ZKSCAN8: variants seen among roughly 807,000 people sequenced by gnomAD.
ZKSCAN8 encodes the protein zinc finger with KRAB and SCAN domains 8.
A neutral mutation model predicts 57.2 loss-of-function variants in ZKSCAN8; 27 were observed. The observed-to-expected ratio is 0.47, with a 90% confidence interval of 0.35 to 0.65. ZKSCAN8 has a LOEUF of 0.65. Ranked by LOEUF, ZKSCAN8 falls within the 30% of genes least tolerant of loss-of-function variation. The pLI, the probability that ZKSCAN8 is intolerant of heterozygous loss-of-function variation, is 0.01. For missense variants in ZKSCAN8, 597 were observed against 696.3 expected (o/e 0.86, Z 1.60); for synonymous variants, 214 against 248.7 (o/e 0.86, Z 1.31).
rs1209328063 is a variant in ZKSCAN8, at chr6:28,153,958, A to G, written c.1678A>G (p.Ser560Gly). The change falls in exon 6 of 6, where the codon AGT (serine) becomes GGT (glycine). Residue 560 changes from serine (S) to glycine (G), a missense_variant. Physicochemically the swap from Ser to Gly is moderately conservative, Grantham distance 56. Transcript: ENST00000330236. ...ECGKAFIQRS[S>G]LIRHQRIHSG... is the part of the protein sequence containing the mutation. Reference sequence around the variant, plus strand: ...TGGGAAAGCCTTTATTCAGAGGTCAAGTCTCATTCGACATCAGAGAATCCA... The same window carrying G: ...TGGGAAAGCCTTTATTCAGAGGTCAGGTCTCATTCGACATCAGAGAATCCA... 3 of 1,612,422 alleles carry G rather than the reference A, an allele frequency of 1.9e-6. No homozygotes were observed. Among genetic ancestry groups the G allele is most frequent in the Non-Finnish European group, 2.5e-6 (3 of 1,179,444 alleles).
chr6:28,150,323 A>G (rs988173197), intron 3 of ZKSCAN8, among the ~76,000 whole-genome samples: 1 of 152,136 alleles, frequency 6.6e-6, no homozygotes, highest in Admixed American at 6.5e-5. Flanking sequence ...TCATGTTTAC[A>G]TTGAGGTCAT....
In ZKSCAN8 at chr6:28,156,410, G is replaced by A; in HGVS notation, c.*2393G>A. On this transcript the variant is annotated 3_prime_UTR_variant, in exon 6 of 6. Coordinates refer to ENST00000330236, the MANE Select transcript of ZKSCAN8 (RefSeq NM_006298.4). The stretch of plus-strand genomic sequence containing the variant: ...CTTAAATCTCAGAATTACTAAGCAT[G>A]TGGCATAAATTTGGAGAAAATAATA... 1 of 392,394 alleles carries A rather than the reference G, an allele frequency of 2.5e-6. No individual in the cohort carries two copies. Among genetic ancestry groups the A allele is most frequent in the Non-Finnish European group, 4.5e-6 (1 of 222,352 alleles). 24.3% of individuals were successfully genotyped at this position (392,394 alleles called of 1,614,324 possible).
At chr6:28,146,485 G>A (rs1039954253) in intron 1 of ZKSCAN8, among the ~76,000 whole-genome samples, 3 of 152,102 alleles carry the variant, frequency 2.0e-5, no homozygotes, top group Admixed American at 6.5e-5. Context: ...AGACTTCAAC[G>A]GAGAGACACA....
chr6:28,149,366 A>C (rs1183575349), intron 2 of ZKSCAN8, 117 bp from the exon 3 acceptor site: 1 of 1,324,960 alleles, frequency 7.5e-7, no homozygotes, highest in African/African-American at 1.5e-5. Context: ...AGTGAGGAAG[A>C]TTCTGCTGCT....
chr6:28,156,081 C>G lies in ZKSCAN8; in HGVS notation c.*2064C>G, dbSNP rs1003299007. ...CCTTACCCTCTGTAAGATACTGATT[C>G]TTCCTGGGGCCAGTATTACCTTGTA... On this transcript the variant is annotated 3_prime_UTR_variant, in exon 6 of 6. Coordinates refer to ENST00000330236, the MANE Select transcript of ZKSCAN8 (RefSeq NM_006298.4). 2.5e-6 allele frequency: 1 copy of G among 398,070 alleles called. No individual in the cohort carries two copies. The highest frequency in any genetic ancestry group is 2.1e-5 in the African/African-American group (1 of 48,594). The allele number at this position is 398,070 out of a possible 1,614,324, so 24.7% of individuals were successfully genotyped here.
intron 5 of ZKSCAN8, 32 bp downstream of exon 5, chr6:28,152,416 T>C: frequency 6.4e-7 from 1 of 1,574,120 alleles, no homozygotes; most frequent in Non-Finnish European, 8.6e-7. Context: ...ATTGTCATTT[T>C]AGATTTTTTG....
chr6:28,148,478 T>G lies in ZKSCAN8; in HGVS notation c.71T>G (p.Ile24Ser). The part of the protein sequence containing the change: ...PDQTPEEDLV[I>S]VKVEEDHGWD... ...CAGACTCCTGAAGAGGATCTTGTAA[T>G]CGTCAAGGTAGAGGAGGATCATGGT... is the stretch of plus-strand genomic sequence containing the variant. The change falls in exon 2 of 6, where the codon ATC becomes AGC. Residue 24 changes from isoleucine to serine, a missense_variant. Physicochemically the swap from Ile to Ser is moderately radical, Grantham distance 142. Coordinates refer to ENST00000330236, the MANE Select transcript of ZKSCAN8 (RefSeq NM_006298.4). The G allele has an allele frequency of 6.2e-7, 1 of 1,614,084 alleles. No individual in the cohort carries two copies. The highest frequency in any genetic ancestry group is 8.5e-7 in the Non-Finnish European group (1 of 1,180,008).
intron 3 of ZKSCAN8, among the ~76,000 whole-genome samples, chr6:28,151,604 AC>A (rs1765592917): frequency 1.3e-5 from 2 of 152,214 alleles, no homozygotes; most frequent in Non-Finnish European, 2.9e-5. Flanking sequence ...CTGTTAGGAA[AC>A]CAGTATACTT....
At position 28,154,162 on chromosome 6, in the gene ZKSCAN8, T is replaced by C; in HGVS notation, c.*145T>C. 8.0e-7 allele frequency: 1 copy of C among 1,257,016 alleles called. No homozygotes were observed. Among genetic ancestry groups the C allele is most frequent in the South Asian group, 1.6e-5 (1 of 60,706 alleles). The allele number at this position is 1,257,016 out of a possible 1,614,324, so 77.9% of individuals were successfully genotyped here. ...AGTGGTGGCAAAGTTAGGATAGCTC[T>C]TTAGTAATTTGGGCCCAGTGCCTTG... On this transcript the variant is annotated 3_prime_UTR_variant, in exon 6 of 6. Coordinates refer to ENST00000330236, the MANE Select transcript of ZKSCAN8 (RefSeq NM_006298.4).
chr6:28,143,946 C>G (rs1029497650), intron 1 of ZKSCAN8, among the ~76,000 whole-genome samples: 19 of 152,254 alleles, frequency 1.2e-4, no homozygotes, highest in Admixed American at 1.1e-3. Context: ...TCAACAAAAT[C>G]TCAGCATCTT....
In ZKSCAN8 at chr6:28,158,913, C is replaced by T. The variant is rs534618307; in HGVS notation, c.*4896C>T. Reference sequence around the variant, plus strand: ...AATTTCATTTTCACTAAGTAACACCCAGTAGATAATTCCTATGGAGCAGTG... The same window carrying T: ...AATTTCATTTTCACTAAGTAACACCTAGTAGATAATTCCTATGGAGCAGTG... On this transcript the variant is annotated 3_prime_UTR_variant, in exon 6 of 6. Coordinates refer to ENST00000330236, the MANE Select transcript of ZKSCAN8 (RefSeq NM_006298.4). 2 of 152,116 alleles carry T rather than the reference C, an allele frequency of 1.3e-5. No individual in the cohort carries two copies. The highest frequency in any genetic ancestry group is 2.4e-5 in the African/African-American group (1 of 41,410). The allele number at this position is 152,116 out of a possible 1,614,324, so 9.4% of individuals were successfully genotyped here. A position where few individuals can be genotyped will look rare whatever the true frequency, so the allele number is the denominator to read the frequency against.
rs1237567786 is a variant in ZKSCAN8, at chr6:28,157,304, G to A, written c.*3287G>A. On this transcript the variant is annotated 3_prime_UTR_variant, in exon 6 of 6. Transcript: ENST00000330236. Reference sequence around the variant, plus strand: ...CCCGTGATTCAATTACCTCCCACTTGGTCCCACCCACGACACGTGGGAATT... The same window carrying A: ...CCCGTGATTCAATTACCTCCCACTTAGTCCCACCCACGACACGTGGGAATT... 6 of 152,126 alleles carry A rather than the reference G, an allele frequency of 3.9e-5. No homozygotes were observed. The highest frequency in any genetic ancestry group is 6.3e-3 in the Middle Eastern group (2 of 316). The allele number at this position is 152,126 out of a possible 1,614,324, so 9.4% of individuals were successfully genotyped here.
At chr6:28,143,473 CA>C (rs1414444415) in intron 1 of ZKSCAN8, among the ~76,000 whole-genome samples, 1 of 152,144 alleles carries the variant, frequency 6.6e-6, no homozygotes, top group African/African-American at 2.4e-5. Flanking sequence ...CTGCGCACTT[CA>C]CATTAAAATA....
In ZKSCAN8 at chr6:28,153,907, G is replaced by C; in HGVS notation, c.1627G>C (p.Glu543Gln). The stretch of plus-strand genomic sequence containing the variant: ...TCAACACCTGAGAATTCACACAGGG[G>C]AGAAGCCCTACCAATGTAATGAGTG... ...LIQHLRIHTG[E>Q]KPYQCNECGK... Residue 543 changes from glutamate to glutamine, a missense_variant, in exon 6 of 6, where the codon GAG becomes CAG. By Grantham distance (29) the Glu-to-Gln change is conservative (BLOSUM62 2). Transcript: ENST00000330236. The C allele has an allele frequency of 6.2e-7, 1 of 1,614,192 alleles. No homozygotes were observed. The highest frequency in any genetic ancestry group is 8.5e-7 in the Non-Finnish European group (1 of 1,180,024).
In ZKSCAN8 at chr6:28,154,279, A is replaced by T; in HGVS notation, c.*262A>T. On this transcript the variant is annotated 3_prime_UTR_variant, in exon 6 of 6. Coordinates refer to ENST00000330236, the MANE Select transcript of ZKSCAN8 (RefSeq NM_006298.4). Reference sequence around the variant, plus strand: ...CTTTAGAAATTTAAAATAGCATTAGAGCAAGTTGCTTGTCATGGCTTGAAG... The same window carrying T: ...CTTTAGAAATTTAAAATAGCATTAGTGCAAGTTGCTTGTCATGGCTTGAAG... The T allele has an allele frequency of 2.7e-6, 1 of 375,394 alleles. No individual in the cohort carries two copies. The highest frequency in any genetic ancestry group is 4.7e-6 in the Non-Finnish European group (1 of 213,552). 23.3% of individuals were successfully genotyped at this position (375,394 alleles called of 1,614,324 possible).
Position 28,152,298 on chromosome 6 carries a change from T to C in ZKSCAN8, c.689T>C (p.Ile230Thr), listed in dbSNP as rs1561821636. 3 of 1,612,940 alleles carry C rather than the reference T, an allele frequency of 1.9e-6. No homozygotes were observed. Among genetic ancestry groups the C allele is most frequent in the Non-Finnish European group, 2.5e-6 (3 of 1,179,676 alleles). ...ATTGAAGACATGGCTGTGTCCCTTATTCGAGAGGAGTGGCTTCTTGATCCA... is the reference window on the plus strand; with the variant it reads ...ATTGAAGACATGGCTGTGTCCCTTACTCGAGAGGAGTGGCTTCTTGATCCA... ...EKIEDMAVSL[I>T]REEWLLDPSQ... Residue 230 changes from isoleucine to threonine, a missense_variant, in exon 5 of 6, where the codon ATT becomes ACT. Physicochemically the swap from Ile to Thr is moderately conservative, Grantham distance 89. Transcript: ENST00000330236.
intron 1 of ZKSCAN8, 105 bp from the exon 2 acceptor site, chr6:28,148,211 G>T: frequency 3.8e-6 from 2 of 527,276 alleles, no homozygotes; most frequent in South Asian, 2.7e-5. Flanking sequence ...CATTTAATTG[G>T]CCGAGCCATG....
In ZKSCAN8 at chr6:28,154,469, A is replaced by T. The variant is rs1399611702; in HGVS notation, c.*452A>T. The T allele has an allele frequency of 6.4e-6, 1 of 156,002 alleles. No homozygotes were observed. The highest frequency in any genetic ancestry group is 2.4e-5 in the African/African-American group (1 of 41,526). 9.7% of individuals were successfully genotyped at this position (156,002 alleles called of 1,614,324 possible). A position where few individuals can be genotyped will look rare whatever the true frequency, so the allele number is the denominator to read the frequency against. On this transcript the variant is annotated 3_prime_UTR_variant, in exon 6 of 6. Transcript: ENST00000330236. ...TCTAAGAAGCTGCTGTAGAGTCAGAAGTAGCTTCTGTGTGAAACTTATATT... is the reference window on the plus strand; with the variant it reads ...TCTAAGAAGCTGCTGTAGAGTCAGATGTAGCTTCTGTGTGAAACTTATATT...
rs141619075 is a variant in ZKSCAN8, at chr6:28,148,477, A to G, written c.70A>G (p.Ile24Val). 6.2e-7 allele frequency: 1 copy of G among 1,614,170 alleles called. No individual in the cohort carries two copies. The highest frequency in any genetic ancestry group is 1.3e-5 in the African/African-American group (1 of 75,036). ...CCAGACTCCTGAAGAGGATCTTGTA[A>G]TCGTCAAGGTAGAGGAGGATCATGG... ...PDQTPEEDLV[I>V]VKVEEDHGWD... The change falls in exon 2 of 6, where the codon ATC becomes GTC. Residue 24 changes from isoleucine to valine, a missense_variant. By Grantham distance (29) the Ile-to-Val change is conservative. Coordinates refer to ENST00000330236, the MANE Select transcript of ZKSCAN8 (RefSeq NM_006298.4).
Sources: gnomAD v4.1 joint callset for allele counts (sites outside exome capture counted in the v4.1 genomes callset) on GRCh38, gnomAD v4.1.1 for gene constraint, MANE v1.5 for transcripts, NCBI Gene and HGNC (gene_info 2026-07-23, HGNC 2026-07-21) for gene names.